The following ZZEF1 variants were observed in gnomAD, a reference collection of about 807,000 sequenced individuals.
ZZEF1 encodes the protein zinc finger ZZ-type and EF-hand domain-containing protein 1.
In ZZEF1, 157 loss-of-function variants were observed where a neutral mutation model predicts 342.8. The ratio of observed to expected loss-of-function variants is 0.46; its 90% CI spans 0.40 to 0.52. The LOEUF is 0.52. Among genes scored for constraint, ZZEF1 ranks in the 20% least tolerant of loss-of-function variants. ZZEF1 has a pLI of 0.00. For synonymous variants in ZZEF1, 1,505 were observed against 1,429.1 expected (o/e 1.05, Z -1.20); for missense variants, 3,480 against 3,725.6 (o/e 0.93, Z 1.72).
At position 4,064,508 on chromosome 17, in the gene ZZEF1, C is replaced by T. The variant is rs1368002182; in HGVS notation, c.4571G>A (p.Arg1524His). Reference protein sequence around the residue: ...EEPLSPSTPTRRPPFTRGRLR... With the variant: ...EEPLSPSTPTHRPPFTRGRLR... ...TCGCCCTCGGGTGAAGGGAGGCCGG[C>T]GGGTGGGTGTGGAAGGTGACAAGGG... The change falls in exon 29 of 55, where the codon CGC becomes CAC. Residue 1524 changes from arginine to histidine, a missense_variant. This residue lies in a region of ZZEF1 where 1,528 missense variants were observed against 1,624.1 expected (regional missense o/e 0.94). Transcript: ENST00000381638. 7.4e-6 allele frequency: 12 copies of T among 1,613,986 alleles called. No homozygotes were observed. The highest frequency in any genetic ancestry group is 2.2e-5 in the South Asian group (2 of 91,086).
intron 39 of ZZEF1, among the ~76,000 whole-genome samples, chr17:4,035,780 C>T (rs965796534): frequency 1.3e-5 from 2 of 152,084 alleles, no homozygotes; most frequent in African/African-American, 4.8e-5. Flanking sequence ...TGCAAGGGGG[C>T]AACCTGGATT....
Position 4,095,823 on chromosome 17 carries a change from C to A in ZZEF1, c.1913+8G>T, listed in dbSNP as rs931103690. On this transcript the variant is annotated splice_region_variant and intron_variant, in intron 11 of 54. Transcript: ENST00000381638. The stretch of plus-strand genomic sequence containing the variant: ...TCTTTGTTCTACAAAGATTTTTTAC[C>A]TTCTTACCTGCTTTTTACAAATTGC... 3 of 1,596,970 alleles carry A rather than the reference C, an allele frequency of 1.9e-6. No homozygotes were observed. Among genetic ancestry groups the A allele is most frequent in the African/African-American group, 1.3e-5 (1 of 74,114 alleles).
At chr17:4,078,161 G>T in intron 18 of ZZEF1, 119 bp from the exon 19 acceptor site, 1 of 1,041,684 alleles carries the variant, frequency 9.6e-7, no homozygotes, top group Non-Finnish European at 1.3e-6. Flanking sequence ...CCACGGAAAA[G>T]TCATGAAACA....
intron 25 of ZZEF1, among the ~76,000 whole-genome samples, chr17:4,071,658 G>A (rs1290696480): frequency 6.6e-6 from 1 of 152,190 alleles, no homozygotes; most frequent in Non-Finnish European, 1.5e-5. Flanking sequence ...TGGGGAGACA[G>A]GTGAGGACAG....
intron 11 of ZZEF1, among the ~76,000 whole-genome samples, chr17:4,094,549 G>GGCTACCA (rs2058000454): frequency 6.7e-6 from 1 of 148,962 alleles, no homozygotes; most frequent in Admixed American, 6.7e-5. Flanking sequence ...ATTGGCTACC[G>GGCTACCA]ATTATCCATT....
chr17:4,115,757 C>T (rs1054725775), intron 3 of ZZEF1, among the ~76,000 whole-genome samples: 1 of 152,172 alleles, frequency 6.6e-6, no homozygotes, highest in Non-Finnish European at 1.5e-5. Context: ...TCAATTGTAT[C>T]TGTAATATGT....
chr17:4,053,962 A>G, intron 34 of ZZEF1, 95 bp downstream of exon 34: 1 of 1,405,080 alleles, frequency 7.1e-7, no homozygotes. Flanking sequence ...CAGTACTTTG[A>G]TTTAGTACAC....
intron 1 of ZZEF1, among the ~76,000 whole-genome samples, chr17:4,136,628 C>T (rs764743685): frequency 3.3e-5 from 5 of 152,100 alleles, no homozygotes; most frequent in Admixed American, 6.6e-5. Context: ...ACGGCAAACC[C>T]GCTGATGCCA....
chr17:4,039,895 T>C (rs1037192506), intron 39 of ZZEF1, among the ~76,000 whole-genome samples: 22 of 151,988 alleles, frequency 1.4e-4, no homozygotes, highest in African/African-American at 3.6e-4. Flanking sequence ...CTGCCCGCCT[T>C]GGCCTCCCAA....
chr17:4,086,386 T>C (rs2057825267), intron 15 of ZZEF1, 100 bp downstream of exon 15: 4 of 1,245,160 alleles, frequency 3.2e-6, no homozygotes, highest in African/African-American at 1.5e-5. Flanking sequence ...GCAATCCCTT[T>C]CTGGCTCGCA....
At chr17:4,044,456 G>T in intron 37 of ZZEF1, 82 bp from the exon 38 acceptor site, 2 of 1,344,518 alleles carry the variant, frequency 1.5e-6, no homozygotes, top group African/African-American at 3.0e-5. Flanking sequence ...TTAATGATTA[G>T]CCAGTCTTCA....
At position 4,042,537 on chromosome 17, in the gene ZZEF1, C is replaced by T. The variant is rs775652406; in HGVS notation, c.6198G>A (p.Lys2066=). 19 of 1,613,496 alleles carry T rather than the reference C, an allele frequency of 1.2e-5. No homozygotes were observed. The highest frequency in any genetic ancestry group is 1.6e-5 in the Non-Finnish European group (19 of 1,179,890). ...GAGTAACTGCTTTTTCCTCTATGGG[C>T]TTCTGAGATGACACTTCTGAATCTT... is the stretch of plus-strand genomic sequence containing the variant. ...DAEDSEVSSQ[K]PIEEKAVTPS... is the part of the protein sequence containing the mutation. Residue 2066 remains lysine (K), a synonymous_variant, in exon 39 of 55, where the codon AAG becomes AAA. Coordinates refer to ENST00000381638, the MANE Select transcript of ZZEF1 (RefSeq NM_015113.4).
At chr17:4,018,348 C>A (rs989782982) in intron 46 of ZZEF1, among the ~76,000 whole-genome samples, 1 of 152,048 alleles carries the variant, frequency 6.6e-6, no homozygotes, top group Non-Finnish European at 1.5e-5. Flanking sequence ...TGGGCTCAAG[C>A]GATCCTCCTG....
chr17:4,135,155 T>C (rs1468955635), intron 1 of ZZEF1, among the ~76,000 whole-genome samples: 2 of 152,312 alleles, frequency 1.3e-5, no homozygotes, highest in Admixed American at 6.5e-5. Flanking sequence ...AGCTCTCTTA[T>C]GTGTGGGACC....
intron 1 of ZZEF1, among the ~76,000 whole-genome samples, chr17:4,139,936 C>T (rs992862661): frequency 1.3e-5 from 2 of 152,248 alleles, no homozygotes; most frequent in African/African-American, 2.4e-5. Context: ...TGAATTTTGG[C>T]CTGTGGGATG....
At chr17:4,114,547 C>G (rs1030869811) in intron 3 of ZZEF1, 77 bp from the exon 4 acceptor site, 10 of 1,207,742 alleles carry the variant, frequency 8.3e-6, no homozygotes, top group Non-Finnish European at 9.9e-6. Context: ...AAATATCTAA[C>G]AGAAATACGC....
Position 4,006,794 on chromosome 17 carries a change from G to T in ZZEF1, c.*96C>A. The T allele has an allele frequency of 7.6e-7, 1 of 1,321,432 alleles. No homozygotes were observed. Among genetic ancestry groups the T allele is most frequent in the Non-Finnish European group, 1.1e-6 (1 of 938,774 alleles). 81.9% of individuals were successfully genotyped at this position (1,321,432 alleles called of 1,614,324 possible). ...GAGTGGTCAGCTCAAGGAGAGCTGG[G>T]CACTGGCGCTACAGGAGTTTTCCTG... On this transcript the variant is annotated 3_prime_UTR_variant, in exon 55 of 55. Coordinates refer to ENST00000381638, the MANE Select transcript of ZZEF1 (RefSeq NM_015113.4).
rs2058402390 is a variant in ZZEF1 at position 4,116,862 on chromosome 17, C to T, written c.694+110G>A. ...ACATTCTTACGTTACAAACTCATGA[C>T]TCTGTATTTTCAGAAATGAAGGCAG... On this transcript the variant is annotated intron_variant, in intron 3 of 54. Coordinates refer to ENST00000381638, the MANE Select transcript of ZZEF1 (RefSeq NM_015113.4). 3.5e-6 allele frequency: 4 copies of T among 1,140,598 alleles called. No individual in the cohort carries two copies. In the Admixed American group the frequency reaches 7.5e-5, roughly 21 times the overall value. 70.7% of individuals were successfully genotyped at this position (1,140,598 alleles called of 1,614,324 possible).
chr17:4,023,864 A>C (rs374262732), intron 43 of ZZEF1, among the ~76,000 whole-genome samples: 5 of 152,044 alleles, frequency 3.3e-5, no homozygotes, highest in African/African-American at 9.7e-5. Context: ...ACCCACAAAC[A>C]AACAAACCAA....
Sources: allele counts gnomAD v4.1 joint callset (sites outside exome capture counted in the v4.1 genomes callset), GRCh38; gene constraint gnomAD v4.1.1; regional missense constraint gnomAD v4.1.1; transcripts MANE v1.5; gene names NCBI Gene and HGNC (gene_info 2026-07-23, HGNC 2026-07-21).